The following PDGFC variants were observed in gnomAD, a reference collection of about 807,000 sequenced individuals.
PDGFC encodes the protein platelet-derived growth factor C.
A neutral mutation model predicts 35.5 loss-of-function variants in PDGFC; 12 were observed. The ratio of observed to expected loss-of-function variants is 0.34; its 90% CI spans 0.22 to 0.55. The LOEUF is 0.55. Among genes scored for constraint, PDGFC ranks in the 20% least tolerant of loss-of-function variants. The pLI is 0.91. For missense variants in PDGFC, 322 were observed against 412.4 expected (o/e 0.78, Z 1.90); for synonymous variants, 159 against 148.8 (o/e 1.07, Z -0.50).
intron 2 of PDGFC, among the ~76,000 whole-genome samples, chr4:156,813,227 C>T (rs1731989144): frequency 6.6e-6 from 1 of 152,094 alleles, no homozygotes; most frequent in South Asian, 2.1e-4. Flanking sequence ...TCATAAGGAT[C>T]TGTTTGTTCT....
chr4:156,810,169 T>C (rs1731893011), intron 3 of PDGFC, among the ~76,000 whole-genome samples: 1 of 151,758 alleles, frequency 6.6e-6, no homozygotes, highest in Non-Finnish European at 1.5e-5. Context: ...ACATTTTTCA[T>C]TTACAGGTAG....
chr4:156,959,938 T>C (rs530363009), intron 1 of PDGFC, among the ~76,000 whole-genome samples: 2 of 152,132 alleles, frequency 1.3e-5, no homozygotes, highest in South Asian at 4.1e-4. Flanking sequence ...GATAAATTTT[T>C]CACCGTGAAG....
intron 1 of PDGFC, among the ~76,000 whole-genome samples, chr4:156,905,612 T>C (rs1730897556): frequency 6.6e-6 from 1 of 152,096 alleles, no homozygotes; most frequent in Non-Finnish European, 1.5e-5. Flanking sequence ...TTCCAAACTA[T>C]CAAGCAGTTC....
intron 1 of PDGFC, among the ~76,000 whole-genome samples, chr4:156,927,495 C>T (rs920962190): frequency 9.2e-5 from 14 of 152,280 alleles, no homozygotes; most frequent in Admixed American, 7.2e-4. Context: ...TGCTTTGCTG[C>T]TTAGAAATTT....
chr4:156,800,364 G>A lies in PDGFC; in HGVS notation c.495+10473C>T, dbSNP rs113725078. Reference sequence around the variant, plus strand: ...TACTTATCTTTTAGCTTTGTTCTAAGATTATCAGAGGACATAAAAATGGAA... The same window carrying A: ...TACTTATCTTTTAGCTTTGTTCTAAAATTATCAGAGGACATAAAAATGGAA... On this transcript the variant is annotated intron_variant, in intron 3 of 5. Transcript: ENST00000502773. Among the ~76,000 whole-genome samples the A allele has an allele frequency of 7.3e-3, 1,108 of 152,074 alleles. 17 individuals are homozygous for A. Among genetic ancestry groups the A allele is most frequent in the South Asian group, 0.014 (69 of 4,812 alleles).
intron 2 of PDGFC, among the ~76,000 whole-genome samples, chr4:156,830,174 G>T (rs1728892866): frequency 6.6e-6 from 1 of 151,096 alleles, no homozygotes; most frequent in Admixed American, 6.6e-5. Context: ...AATATGAAAA[G>T]TACATATTTA....
intron 1 of PDGFC, among the ~76,000 whole-genome samples, chr4:156,881,966 A>C (rs1218971794): frequency 6.6e-6 from 1 of 152,046 alleles, no homozygotes; most frequent in East Asian, 1.9e-4. Context: ...GTGAAACTGT[A>C]AGTCCATTAA....
intron 1 of PDGFC, among the ~76,000 whole-genome samples, chr4:156,911,080 G>C (rs947285785): frequency 6.6e-6 from 1 of 151,840 alleles, no homozygotes; most frequent in Non-Finnish European, 1.5e-5. Flanking sequence ...CCTTTTGTGG[G>C]GTGTGCTTTT....
At position 156,934,772 on chromosome 4, in the gene PDGFC, T is replaced by C. The variant is rs553177102; in HGVS notation, c.118+36014A>G. On this transcript the variant is annotated intron_variant, in intron 1 of 5. Transcript: ENST00000502773. ...TATTTTGTTTTACCTTTAAACTTTG[T>C]TAATGAAAAACAGAAGAGACAAACA... is the stretch of plus-strand genomic sequence containing the variant. Among the ~76,000 whole-genome samples, 95 of 152,300 alleles carry C rather than the reference T, an allele frequency of 6.2e-4. No homozygotes were observed. The South Asian group carries it at 0.016, about 26-fold the overall frequency.
chr4:156,778,037 G>A (rs1730872843), intron 3 of PDGFC, among the ~76,000 whole-genome samples: 1 of 152,098 alleles, frequency 6.6e-6, no homozygotes, highest in African/African-American at 2.4e-5. Flanking sequence ...CCAGGAGGCG[G>A]AGGTTGCAAT....
intron 2 of PDGFC, among the ~76,000 whole-genome samples, chr4:156,821,253 C>T (rs1732250324): frequency 6.6e-6 from 1 of 151,290 alleles, no homozygotes; most frequent in Non-Finnish European, 1.5e-5. Flanking sequence ...TTTTTTGAAA[C>T]CGTCTCACTC....
chr4:156,788,207 A>G (rs1460660512), intron 3 of PDGFC, among the ~76,000 whole-genome samples: 3 of 151,192 alleles, frequency 2.0e-5, no homozygotes, highest in Non-Finnish European at 3.0e-5. Flanking sequence ...GTGATAGGAG[A>G]AAAAAAAACA....
intron 2 of PDGFC, among the ~76,000 whole-genome samples, chr4:156,837,947 C>A (rs2111044147): frequency 6.6e-6 from 1 of 151,970 alleles, no homozygotes; most frequent in Admixed American, 6.5e-5. Context: ...AGATCCCCAC[C>A]CTCTATTTTA....
intron 1 of PDGFC, among the ~76,000 whole-genome samples, chr4:156,911,312 G>C (rs1731034097): frequency 1.3e-5 from 2 of 151,996 alleles, no homozygotes; most frequent in African/African-American, 4.8e-5. Flanking sequence ...ACACATAAAA[G>C]TCTCATATAG....
At chr4:156,909,750 T>C (rs774441558) in intron 1 of PDGFC, among the ~76,000 whole-genome samples, 2 of 152,180 alleles carry the variant, frequency 1.3e-5, no homozygotes, top group Non-Finnish European at 2.9e-5. Flanking sequence ...CAGTATTCCC[T>C]CAAAGATATA....
chr4:156,850,688 T>C (rs1324266314), intron 1 of PDGFC, among the ~76,000 whole-genome samples: 2 of 152,128 alleles, frequency 1.3e-5, no homozygotes, highest in African/African-American at 2.4e-5. Context: ...ACAAACTCTT[T>C]TGGAGTCCTA....
intron 1 of PDGFC, among the ~76,000 whole-genome samples, chr4:156,941,593 A>G (rs941381276): frequency 3.3e-5 from 5 of 152,166 alleles, no homozygotes; most frequent in Non-Finnish European, 5.9e-5. Flanking sequence ...TATTTTTTAA[A>G]TGCCAAGGCA....
At chr4:156,858,015 A>C (rs1317643377) in intron 1 of PDGFC, among the ~76,000 whole-genome samples, 1 of 152,162 alleles carries the variant, frequency 6.6e-6, no homozygotes, top group African/African-American at 2.4e-5. Flanking sequence ...AATAAGAGTT[A>C]GAACTTTCTA....
At chr4:156,807,140 ATTAG>A (rs936804537) in intron 3 of PDGFC, among the ~76,000 whole-genome samples, 113 of 151,924 alleles carry the variant, frequency 7.4e-4, no homozygotes, top group African/African-American at 2.6e-3. Flanking sequence ...TTTATTTTTT[ATTAG>A]TTATTAATGG....
Sources: allele counts gnomAD v4.1 joint callset (sites outside exome capture counted in the v4.1 genomes callset), GRCh38; gene constraint gnomAD v4.1.1; transcripts MANE v1.5; gene names NCBI Gene and HGNC (gene_info 2026-07-23, HGNC 2026-07-21).